DBT: variants seen among roughly 807,000 people sequenced by gnomAD.
The protein encoded by DBT is dihydrolipoamide branched chain transacylase E2.
In DBT, 40 loss-of-function variants were observed where a neutral mutation model predicts 51.3. The ratio of observed to expected loss-of-function variants is 0.78; its 90% confidence interval spans 0.61 to 1.02. DBT has a LOEUF of 1.02. DBT is among the 50% of genes least tolerant of loss of function. The probability of loss-of-function intolerance (pLI) is 0.00; values close to 1 mark genes in which losing one functional copy is unlikely to be tolerated. For synonymous variants in DBT, 181 were observed against 190.4 expected (o/e 0.95, Z 0.41); for missense variants, 510 against 580.2 (o/e 0.88, Z 1.24).
At chr1:100,232,898 T>C (rs1663630786) in intron 3 of DBT, among the ~76,000 whole-genome samples, 1 of 152,194 alleles carries the variant, frequency 6.6e-6, no homozygotes, top group African/African-American at 2.4e-5. Flanking sequence ...TAATCCAAAT[T>C]ATAGTGTTTT....
At chr1:100,213,660 C>G in intron 7 of DBT, 1 of 1,610,850 alleles carries the variant, frequency 6.2e-7, no homozygotes, top group Non-Finnish European at 8.5e-7. Flanking sequence ...TGTGGAGCCA[C>G]CTTCGCTTAA....
intron 4 of DBT, among the ~76,000 whole-genome samples, chr1:100,218,956 C>T (rs186550339): frequency 4.6e-4 from 70 of 150,658 alleles, no homozygotes; most frequent in Admixed American, 1.4e-3. Flanking sequence ...TGTGCCGGTA[C>T]CTGGTACTTT....
intron 8 of DBT, among the ~76,000 whole-genome samples, chr1:100,209,689 G>C (rs2100786132): frequency 6.6e-6 from 1 of 152,192 alleles, no homozygotes; most frequent in East Asian, 1.9e-4. Flanking sequence ...AGCCTCCTGA[G>C]TAGTTGGGAC....
At chr1:100,214,311 C>G (rs1662355994) in intron 7 of DBT, among the ~76,000 whole-genome samples, 1 of 152,130 alleles carries the variant, frequency 6.6e-6, no homozygotes, top group South Asian at 2.1e-4. Context: ...AGATAAGCAG[C>G]TAAAAATATA....
intron 8 of DBT, among the ~76,000 whole-genome samples, chr1:100,210,009 A>G (rs1662039772): frequency 1.3e-5 from 2 of 152,072 alleles, no homozygotes; most frequent in South Asian, 4.1e-4. Context: ...AATTATTCTT[A>G]ATATTAAAAT....
At chr1:100,226,866 GAAT>G (rs1290477844) in intron 4 of DBT, among the ~76,000 whole-genome samples, 1 of 152,186 alleles carries the variant, frequency 6.6e-6, no homozygotes, top group Non-Finnish European at 1.5e-5. Context: ...GCATTGAGAA[GAAT>G]AATGATTGTA....
At position 100,230,880 on chromosome 1, in the gene DBT, C is replaced by A; in HGVS notation, c.286G>T (p.Asp96Tyr). The A allele has an allele frequency of 6.2e-7, 1 of 1,606,026 alleles. No homozygotes were observed. The highest frequency in any genetic ancestry group is 8.5e-7 in the Non-Finnish European group (1 of 1,172,906). ...VKEGDTVSQF[D>Y]SICEVQSDKA... is the part of the protein sequence containing the mutation. ...TCACTTTGAACTTCACAGATGCTATCAAACTGAGACACTGTATCTCCTTCT... is the reference window on the plus strand; with the variant it reads ...TCACTTTGAACTTCACAGATGCTATAAAACTGAGACACTGTATCTCCTTCT... The change falls in exon 4 of 11, where the codon GAT becomes TAT. Residue 96 changes from aspartate (D) to tyrosine (Y), a missense_variant. Coordinates refer to ENST00000370132, the MANE Select transcript of DBT (RefSeq NM_001918.5).
At chr1:100,235,139 A>C (rs1663790239) in intron 3 of DBT, among the ~76,000 whole-genome samples, 1 of 152,214 alleles carries the variant, frequency 6.6e-6, no homozygotes, top group Non-Finnish European at 1.5e-5. Context: ...GGTAAGTCAA[A>C]CATACTTACA....
chr1:100,199,888 G>A (rs1661340770), intron 10 of DBT, among the ~76,000 whole-genome samples: 1 of 152,166 alleles, frequency 6.6e-6, no homozygotes, highest in Non-Finnish European at 1.5e-5. Context: ...TTTTCCCATG[G>A]TCTTTGCATC....
intron 5 of DBT, 46 bp downstream of exon 5, chr1:100,218,580 G>T (rs1344409188): frequency 6.2e-7 from 1 of 1,608,204 alleles, no homozygotes; most frequent in African/African-American, 1.3e-5. Flanking sequence ...AGATACAAAT[G>T]TACACTTCCT....
At chr1:100,227,525 C>T (rs1270379991) in intron 4 of DBT, among the ~76,000 whole-genome samples, 1 of 152,176 alleles carries the variant, frequency 6.6e-6, no homozygotes, top group African/African-American at 2.4e-5. Context: ...ATTCCACAAC[C>T]ACTAAAGCAA....
At chr1:100,203,824 C>T (rs143319564) in intron 10 of DBT, among the ~76,000 whole-genome samples, 204 of 152,322 alleles carry the variant, frequency 1.3e-3, no homozygotes, top group African/African-American at 4.6e-3. Flanking sequence ...CATAATCCAT[C>T]ACATGAACAG....
At chr1:100,210,286 G>A (rs1201769195) in intron 8 of DBT, among the ~76,000 whole-genome samples, 1 of 149,204 alleles carries the variant, frequency 6.7e-6, no homozygotes. Flanking sequence ...ATTCCAAACT[G>A]GTGACAGAGT....
chr1:100,225,016 T>TC (rs1278347706), intron 4 of DBT, among the ~76,000 whole-genome samples: 744 of 44,780 alleles, frequency 0.017, 12 homozygotes, highest in African/African-American at 0.029. Flanking sequence ...AGACTCCGTC[T>TC]CCCCCCAAAA....
chr1:100,205,213 A>G (rs533923596), intron 10 of DBT, among the ~76,000 whole-genome samples: 54 of 152,330 alleles, frequency 3.5e-4, no homozygotes, highest in African/African-American at 1.2e-3. Flanking sequence ...CTATCTGACA[A>G]AGGGCTAATA....
intron 2 of DBT, among the ~76,000 whole-genome samples, chr1:100,237,671 C>G (rs977993269): frequency 6.6e-6 from 1 of 152,134 alleles, no homozygotes; most frequent in African/African-American, 2.4e-5. Flanking sequence ...CAGGGTCTCA[C>G]TCTGTTGCCC....
intron 8 of DBT, among the ~76,000 whole-genome samples, chr1:100,208,347 T>C (rs534558577): frequency 6.0e-4 from 91 of 152,288 alleles, no homozygotes; most frequent in African/African-American, 2.0e-3. Flanking sequence ...AAAACGCTTC[T>C]GGTCCCAAGC....
At chr1:100,236,430 C>T (rs1053721205) in intron 2 of DBT, among the ~76,000 whole-genome samples, 4 of 152,100 alleles carry the variant, frequency 2.6e-5, no homozygotes, top group African/African-American at 4.8e-5. Context: ...TGCTGTTAAC[C>T]ATATTTGCTT....
At chr1:100,210,334 G>GAT (rs1662059372) in intron 8 of DBT, among the ~76,000 whole-genome samples, 4 of 142,630 alleles carry the variant, frequency 2.8e-5, no homozygotes, top group African/African-American at 7.7e-5. Flanking sequence ...ATAAGAAGAA[G>GAT]AAGAAGAAGA....
Sources: allele counts gnomAD v4.1 joint callset (sites outside exome capture counted in the v4.1 genomes callset), GRCh38; gene constraint gnomAD v4.1.1; transcripts MANE v1.5; gene names NCBI Gene and HGNC (gene_info 2026-07-23, HGNC 2026-07-21).